Variants in CRTC1 observed in about 807,000 individuals in gnomAD.
CRTC1 encodes CREB-regulated transcription coactivator 1.
In CRTC1, 18 loss-of-function variants were observed where a neutral mutation model predicts 66.1. That is an observed-to-expected ratio of 0.27 (90% CI 0.19 to 0.40). CRTC1 has a LOEUF of 0.40. Ranked by LOEUF, CRTC1 falls within the 10% of genes least tolerant of loss-of-function variation. CRTC1 has a pLI of 1.00. For missense variants in CRTC1, 669 were observed against 887.9 expected (o/e 0.75, Z 3.13); for synonymous variants, 416 against 398.8 (o/e 1.04, Z -0.51).
At chr19:18,713,457 G>A (rs767717903) in intron 1 of CRTC1, among the ~76,000 whole-genome samples, 31 of 147,986 alleles carry the variant, frequency 2.1e-4, no homozygotes, top group Non-Finnish European at 4.0e-4. Context: ...TGTTTGAGTA[G>A]TGGCCGGGCT....
At chr19:18,728,231 G>GCACA (rs1316452432) in intron 1 of CRTC1, among the ~76,000 whole-genome samples, 7 of 152,158 alleles carry the variant, frequency 4.6e-5, no homozygotes, top group African/African-American at 1.7e-4. Context: ...CACAGAGGTT[G>GCACA]GGAGAATGTC....
chr19:18,717,478 G>T (rs1031924410), intron 1 of CRTC1, among the ~76,000 whole-genome samples: 3 of 151,940 alleles, frequency 2.0e-5, no homozygotes, highest in East Asian at 3.9e-4. Context: ...CTCCCCTCTG[G>T]AGCTGATCAC....
Position 18,781,699 on chromosome 19 carries a change from G to C in CRTC1, c.*4317G>C, listed in dbSNP as rs1287939303. The C allele has an allele frequency of 4.3e-6, 1 of 230,596 alleles. No homozygotes were observed. The highest frequency in any genetic ancestry group is 2.2e-5 in the African/African-American group (1 of 45,148). The allele number at this position is 230,596 out of a possible 1,614,324, so 14.3% of individuals were successfully genotyped here. On this transcript the variant is annotated 3_prime_UTR_variant, in exon 14 of 14. Transcript: ENST00000321949. ...TCTTGTCACTTTCTCAAACCTGCAG[G>C]TCTCAGGGCCCCGGGCTCCTCCTGG...
chr19:18,753,274 T>TATAAATAA (rs1430284536), intron 5 of CRTC1, among the ~76,000 whole-genome samples: 2 of 116,524 alleles, frequency 1.7e-5, no homozygotes, highest in African/African-American at 7.4e-5. Flanking sequence ...AGACTCCGTC[T>TATAAATAA]CTAAATAAAT....
rs35465891 is a variant in CRTC1 at position 18,728,815 on chromosome 19, C to CTTTT, written c.127-14083_127-14080dup. Among the ~76,000 whole-genome samples, 13 of 79,382 alleles carry CTTTT rather than the reference C, an allele frequency of 1.6e-4. 3 individuals are homozygous for CTTTT. In the East Asian group the frequency reaches 5.9e-3, roughly 36 times the overall value. 52.1% of individuals were successfully genotyped at this position (79,382 alleles called of 152,430 possible). A position where few individuals can be genotyped will look rare whatever the true frequency, so the allele number is the denominator to read the frequency against. On this transcript the variant is annotated intron_variant, in intron 1 of 13. Transcript: ENST00000321949. ...ACAGGTGTGAGCCACCTCACCTGGC[C>CTTTT]TTTTTTTTTTTTTTTGAGACAGAGT...
intron 11 of CRTC1, among the ~76,000 whole-genome samples, chr19:18,772,751 T>C (rs924208313): frequency 6.6e-6 from 1 of 152,168 alleles, no homozygotes; most frequent in South Asian, 2.1e-4. Context: ...AGCAGTGGTC[T>C]CGGGGAGGCA....
At chr19:18,691,046 A>G (rs12052141) in intron 1 of CRTC1, among the ~76,000 whole-genome samples, 10 of 135,916 alleles carry the variant, frequency 7.4e-5, no homozygotes, top group African/African-American at 1.2e-4. Context: ...AAAAAAAAAA[A>G]GAAGAGTGGG....
At chr19:18,756,529 G>T (rs1226978537) in intron 6 of CRTC1, among the ~76,000 whole-genome samples, 2 of 151,568 alleles carry the variant, frequency 1.3e-5, no homozygotes, top group Non-Finnish European at 2.9e-5. Flanking sequence ...GTGTGTGCCT[G>T]CTACTTGGGA....
At chr19:18,763,701 C>T (rs1329592378) in intron 8 of CRTC1, among the ~76,000 whole-genome samples, 2 of 152,252 alleles carry the variant, frequency 1.3e-5, no homozygotes, top group African/African-American at 4.8e-5. Context: ...ATGTCTTGCA[C>T]CTCGAGACGG....
intron 6 of CRTC1, among the ~76,000 whole-genome samples, chr19:18,758,439 C>T (rs1249392558): frequency 6.6e-6 from 1 of 151,938 alleles, no homozygotes; most frequent in Non-Finnish European, 1.5e-5. Context: ...CTGTGGGCCA[C>T]AGTCCAAGAG....
At chr19:18,710,773 G>A (rs532529477) in intron 1 of CRTC1, among the ~76,000 whole-genome samples, 21 of 152,182 alleles carry the variant, frequency 1.4e-4, no homozygotes, top group Admixed American at 4.6e-4. Flanking sequence ...CACTGTGCCC[G>A]GCTAATTTTT....
chr19:18,775,469 GC>G (rs2054966176), intron 12 of CRTC1, among the ~76,000 whole-genome samples, 171 bp from the exon 13 acceptor site: 1 of 152,196 alleles, frequency 6.6e-6, no homozygotes, highest in African/African-American at 2.4e-5. Context: ...TGGCGGGGAG[GC>G]CCCAGGTGGC....
chr19:18,755,185 C>T (rs2054456666), intron 6 of CRTC1, among the ~76,000 whole-genome samples: 1 of 151,950 alleles, frequency 6.6e-6, no homozygotes, highest in Non-Finnish European at 1.5e-5. Context: ...AACAGGGTTT[C>T]ACCATGTTGG....
intron 1 of CRTC1, among the ~76,000 whole-genome samples, chr19:18,742,589 C>T (rs2054135330): frequency 6.6e-6 from 1 of 152,362 alleles, no homozygotes; most frequent in African/African-American, 2.4e-5. Flanking sequence ...AGGCTGCAGG[C>T]CCGCCAGTGC....
intron 1 of CRTC1, among the ~76,000 whole-genome samples, chr19:18,720,691 G>A (rs1034149461): frequency 1.3e-5 from 2 of 152,046 alleles, no homozygotes; most frequent in African/African-American, 2.4e-5. Context: ...CAGTAGAGAC[G>A]GGGTTTCATC....
chr19:18,760,895 T>C lies in CRTC1; in HGVS notation c.886+667T>C, dbSNP rs1430445609. On this transcript the variant is annotated intron_variant, in intron 8 of 13. Transcript: ENST00000321949. The surrounding 1 kb of genome is among the most constrained non-coding windows in gnomAD (Gnocchi z 6.2). ...TCGGTTCCGCCCTCAGGACCTGGCCTGACCTGGCTCCTCTCCCCAGGCCCC... is the reference window on the plus strand; with the variant it reads ...TCGGTTCCGCCCTCAGGACCTGGCCCGACCTGGCTCCTCTCCCCAGGCCCC... Among the ~76,000 whole-genome samples, 2 of 151,936 alleles carry C rather than the reference T, an allele frequency of 1.3e-5. No homozygotes were observed. The highest frequency in any genetic ancestry group is 2.9e-5 in the Non-Finnish European group (2 of 67,950).
chr19:18,759,215 T>C (rs2054559308), intron 6 of CRTC1, among the ~76,000 whole-genome samples: 1 of 152,142 alleles, frequency 6.6e-6, no homozygotes, highest in Admixed American at 6.5e-5. Context: ...TGAAATAGAA[T>C]AAAAATTTAA....
chr19:18,722,328 T>C (rs2053648368), intron 1 of CRTC1, among the ~76,000 whole-genome samples: 1 of 152,106 alleles, frequency 6.6e-6, no homozygotes, highest in African/African-American at 2.4e-5. Context: ...GGGGAGTGGA[T>C]TGGAGAGTAT....
intron 1 of CRTC1, among the ~76,000 whole-genome samples, chr19:18,721,492 CT>C (rs56049346): frequency 0.18 from 22,438 of 121,972 alleles, 2,452 homozygotes; most frequent in African/African-American, 0.31. Flanking sequence ...CACACCCGGC[CT>C]TTTTTTTTTT....
Sources: allele counts gnomAD v4.1 joint callset (sites outside exome capture counted in the v4.1 genomes callset), GRCh38; gene constraint gnomAD v4.1.1; non-coding constraint Gnocchi (gnomAD v3.1); transcripts MANE v1.5; gene names NCBI Gene and HGNC (gene_info 2026-07-23, HGNC 2026-07-21).